Variants in ADAMTS2 observed in about 807,000 individuals in gnomAD.
ADAMTS2 encodes A disintegrin and metalloproteinase with thrombospondin motifs 2.
In ADAMTS2, 50 loss-of-function variants were observed where a neutral mutation model predicts 123.0. That is an observed-to-expected ratio of 0.41 (90% CI 0.32 to 0.51). The LOEUF (loss-of-function observed/expected upper bound fraction) is 0.51, where lower values mean the gene tolerates loss of function less well. ADAMTS2 is among the 20% of genes least tolerant of loss of function. The probability of loss-of-function intolerance (pLI) is 0.35; values close to 1 mark genes in which losing one functional copy is unlikely to be tolerated. For synonymous variants in ADAMTS2, 678 were observed against 695.4 expected, an observed-to-expected ratio of 0.98 and a Z score of 0.39; for missense variants, 1,494 against 1,705.2, an observed-to-expected ratio of 0.88 and a Z score of 2.18.
intron 13 of ADAMTS2, among the ~76,000 whole-genome samples, chr5:179,134,046 G>A (rs564738299): frequency 2.6e-5 from 4 of 152,198 alleles, no homozygotes; most frequent in Admixed American, 6.5e-5. Context: ...CAGGAGTGAC[G>A]TGATAGCCAC....
intron 2 of ADAMTS2, among the ~76,000 whole-genome samples, chr5:179,299,284 C>T (rs191665696): frequency 2.0e-4 from 28 of 143,104 alleles, no homozygotes; most frequent in African/African-American, 6.6e-4. Flanking sequence ...AATCCCAGCA[C>T]TTTGGGAGGC....
intron 2 of ADAMTS2, among the ~76,000 whole-genome samples, chr5:179,341,169 G>T (rs1215081556): frequency 1.3e-5 from 2 of 152,146 alleles, no homozygotes; most frequent in Non-Finnish European, 2.9e-5. Context: ...GCCTATCGTG[G>T]TGGCAGCAGA....
chr5:179,277,089 C>A (rs1373026164), intron 2 of ADAMTS2, among the ~76,000 whole-genome samples: 1 of 152,080 alleles, frequency 6.6e-6, no homozygotes, highest in African/African-American at 2.4e-5. Flanking sequence ...GGAAGGGCAC[C>A]CCTGCAGGCG....
intron 3 of ADAMTS2, among the ~76,000 whole-genome samples, chr5:179,263,011 T>C (rs867776805): frequency 1.1e-3 from 140 of 130,958 alleles, no homozygotes; most frequent in Middle Eastern, 8.8e-3. Context: ...TGGGGAGCAG[T>C]ATTATTCCCC....
At chr5:179,318,573 G>A (rs768937508) in intron 2 of ADAMTS2, among the ~76,000 whole-genome samples, 7 of 152,184 alleles carry the variant, frequency 4.6e-5, no homozygotes, top group Non-Finnish European at 8.8e-5. Flanking sequence ...CACACCCCTC[G>A]CCTCCGTCTT....
intron 3 of ADAMTS2, among the ~76,000 whole-genome samples, chr5:179,271,289 A>C (rs1766524470): frequency 6.6e-6 from 1 of 152,158 alleles, no homozygotes; most frequent in African/African-American, 2.4e-5. Context: ...CTGGGATCAG[A>C]GACATGGCCA....
chr5:179,303,688 G>A lies in ADAMTS2; in HGVS notation c.535-30624C>T, dbSNP rs1756595373. ...TCGTGTTCTCACACGCCAGCTCATG[G>A]CAGCCCACAGGCACCTAAAACTCTA... is the stretch of plus-strand genomic sequence containing the variant. On this transcript the variant is annotated intron_variant, in intron 2 of 21. Transcript: ENST00000251582. This position sits in a 1 kb window ranked among gnomAD's most constrained non-coding sequence, Gnocchi z 4.7. 1.3e-5 allele frequency among the ~76,000 whole-genome samples: 2 copies of A among 152,168 alleles called. No individual in the cohort carries two copies. The highest frequency in any genetic ancestry group is 4.8e-5 in the African/African-American group (2 of 41,438).
At chr5:179,325,833 G>C (rs578154341) in intron 2 of ADAMTS2, among the ~76,000 whole-genome samples, 42 of 152,076 alleles carry the variant, frequency 2.8e-4, no homozygotes, top group Non-Finnish European at 4.3e-4. Context: ...AGTCACAGGA[G>C]TGTGGACCTG....
At chr5:179,213,722 G>A (rs1764912898) in intron 3 of ADAMTS2, among the ~76,000 whole-genome samples, 1 of 152,250 alleles carries the variant, frequency 6.6e-6, no homozygotes, top group African/African-American at 2.4e-5. Context: ...ATGACCAGGA[G>A]GAGTTAAAAC....
chr5:179,230,128 A>G (rs1477755088), intron 3 of ADAMTS2, among the ~76,000 whole-genome samples: 1 of 152,190 alleles, frequency 6.6e-6, no homozygotes, highest in Admixed American at 6.5e-5. Context: ...CAGAGGAAAC[A>G]TATCACCGGA....
intron 4 of ADAMTS2, among the ~76,000 whole-genome samples, chr5:179,193,091 A>C (rs1467397741): frequency 2.0e-5 from 3 of 152,166 alleles, no homozygotes; most frequent in Non-Finnish European, 2.9e-5. Context: ...GACCAAAACC[A>C]GCTCAAGGAT....
rs1372290920 is a variant in ADAMTS2, at chr5:179,158,034, G to A, written c.1132+689C>T. On this transcript the variant is annotated intron_variant, in intron 6 of 21. Transcript: ENST00000251582. This position sits in a 1 kb window ranked among gnomAD's most constrained non-coding sequence, Gnocchi z 5.0. ...GGCTGGAGCAAAGTGGTGCGATCTC[G>A]ACTCATTGCAAACTCCGCCTCCCGG... Among the ~76,000 whole-genome samples, 1 of 151,516 alleles carries A rather than the reference G, an allele frequency of 6.6e-6. No homozygotes were observed. Among genetic ancestry groups the A allele is most frequent in the Non-Finnish European group, 1.5e-5 (1 of 67,914 alleles).
At chr5:179,295,736 G>A (rs1378390849) in intron 2 of ADAMTS2, among the ~76,000 whole-genome samples, 1 of 152,262 alleles carries the variant, frequency 6.6e-6, no homozygotes, top group Non-Finnish European at 1.5e-5. Flanking sequence ...GTCCATGGCG[G>A]CTGGGGCAGT....
At chr5:179,269,771 C>T (rs1766479026) in intron 3 of ADAMTS2, among the ~76,000 whole-genome samples, 1 of 152,200 alleles carries the variant, frequency 6.6e-6, no homozygotes, top group African/African-American at 2.4e-5. Flanking sequence ...TCCCTGTACC[C>T]CAGCACAGTG....
chr5:179,297,926 A>G (rs971058698), intron 2 of ADAMTS2, among the ~76,000 whole-genome samples: 2 of 151,980 alleles, frequency 1.3e-5, no homozygotes, highest in Non-Finnish European at 2.9e-5. Flanking sequence ...CTTCCCTCAC[A>G]GCCCTTCTCA....
At chr5:179,138,330 C>T (rs1488534379) in intron 11 of ADAMTS2, among the ~76,000 whole-genome samples, 1 of 152,214 alleles carries the variant, frequency 6.6e-6, no homozygotes, top group African/African-American at 2.4e-5. Flanking sequence ...AACCCCAGCA[C>T]GGCAGGAGCT....
intron 3 of ADAMTS2, among the ~76,000 whole-genome samples, chr5:179,246,549 T>G (rs1171727485): frequency 6.6e-6 from 1 of 152,188 alleles, no homozygotes; most frequent in African/African-American, 2.4e-5. Flanking sequence ...AATCTAGGAT[T>G]CTACCACTGA....
At chr5:179,195,870 G>T (rs974704834) in intron 4 of ADAMTS2, among the ~76,000 whole-genome samples, 13 of 152,150 alleles carry the variant, frequency 8.5e-5, no homozygotes, top group Admixed American at 2.0e-4. Flanking sequence ...CCTGAACCCC[G>T]CTTGCCTCCC....
chr5:179,179,862 A>G (rs1002986243), intron 5 of ADAMTS2, among the ~76,000 whole-genome samples: 8 of 152,050 alleles, frequency 5.3e-5, no homozygotes, highest in Admixed American at 4.6e-4. Context: ...TTATTTTTTG[A>G]GACTGAGATT....
Sources: allele counts gnomAD v4.1 joint callset (sites outside exome capture counted in the v4.1 genomes callset), GRCh38; gene constraint gnomAD v4.1.1; non-coding constraint Gnocchi (gnomAD v3.1); transcripts MANE v1.5; gene names NCBI Gene and HGNC (gene_info 2026-07-23, HGNC 2026-07-21).